The following FXR2 variants were observed in gnomAD, a reference collection of about 807,000 sequenced individuals.
FXR2 encodes FMR1 autosomal homolog 2.
Under a neutral mutation model 87.3 loss-of-function variants are expected in FXR2, and 9 were observed. That is an observed-to-expected ratio of 0.10 (90% CI 0.06 to 0.18). The LOEUF (loss-of-function observed/expected upper bound fraction) is 0.18, where lower values mean the gene tolerates loss of function less well. Ranked by LOEUF, FXR2 falls within the 10% of genes least tolerant of loss-of-function variation. The probability of loss-of-function intolerance (pLI) is 1.00; values close to 1 mark genes in which losing one functional copy is unlikely to be tolerated. For synonymous variants in FXR2, 331 were observed against 328.3 expected, an observed-to-expected ratio of 1.01 and a Z score of -0.09; for missense variants, 661 against 893.6, an observed-to-expected ratio of 0.74 and a Z score of 3.32.
chr17:7,592,904 GGAA>G lies in FXR2; in HGVS notation c.1529-13_1529-11del, dbSNP rs757569300. 1.0e-4 allele frequency: 163 copies of G among 1,558,784 alleles called. No individual in the cohort carries two copies. The highest frequency in any genetic ancestry group is 1.4e-4 in the Non-Finnish European group (156 of 1,152,176). The stretch of plus-strand genomic sequence containing the variant: ...TCTGGATCCTTCAGCACTGGTCAGA[GGAA>G]GAAGAGGAGGAGTTGGCAGTCAGGT... On this transcript the variant is annotated splice_polypyrimidine_tract_variant and intron_variant, in intron 13 of 16. Coordinates refer to ENST00000250113, the MANE Select transcript of FXR2 (RefSeq NM_004860.4). The surrounding 1 kb of genome is among the most constrained non-coding windows in gnomAD (Gnocchi z 4.8).
In FXR2 at chr17:7,595,784, A is replaced by G. The variant is rs765223029; in HGVS notation, c.831+40T>C. 1 of 1,555,410 alleles carries G rather than the reference A, an allele frequency of 6.4e-7. No individual in the cohort carries two copies. The highest frequency in any genetic ancestry group is 1.1e-5 in the South Asian group (1 of 89,262). ...TTCTACTTCGGCCTCTCTTCCCTCT[A>G]TCCCCTAAGAGACCCAGAAGAAAGA... On this transcript the variant is annotated intron_variant, in intron 8 of 16. Coordinates refer to ENST00000250113, the MANE Select transcript of FXR2 (RefSeq NM_004860.4). The surrounding 1 kb of genome is among the most constrained non-coding windows in gnomAD (Gnocchi z 4.7).
chr17:7,592,487 G>A lies in FXR2; in HGVS notation c.1825+17C>T. Reference sequence around the variant, plus strand: ...CTCAGCTCTGAGGAAGGATTCTGGTGTCCAGAGTTGGCTGACCTGGCTGGC... The same window carrying A: ...CTCAGCTCTGAGGAAGGATTCTGGTATCCAGAGTTGGCTGACCTGGCTGGC... On this transcript the variant is annotated intron_variant, in intron 15 of 16. Coordinates refer to ENST00000250113, the MANE Select transcript of FXR2 (RefSeq NM_004860.4). This position sits in a 1 kb window ranked among gnomAD's most constrained non-coding sequence, Gnocchi z 4.8. The A allele has an allele frequency of 4.4e-6, 7 of 1,607,868 alleles. No individual in the cohort carries two copies. Among genetic ancestry groups the A allele is most frequent in the Non-Finnish European group, 6.0e-6 (7 of 1,174,274 alleles).
In FXR2 at chr17:7,592,834, G is replaced by A. The variant is rs200023716; in HGVS notation, c.1589C>T (p.Pro530Leu). ...GGGTTCCCCAGGTTCTGAATCAACC[G>A]GGGGCTCTGGTTCAGACGTGTCCAA... The part of the protein sequence containing the change: ...SLLDTSEPEP[P>L]VDSEPGEPPP... The change falls in exon 14 of 17, where the codon CCG (proline) becomes CTG (leucine). Residue 530 changes from proline (P) to leucine (L), a missense_variant. This residue lies in a region of FXR2 where 409 missense variants were observed against 432.0 expected (regional missense o/e 0.95). Coordinates refer to ENST00000250113, the MANE Select transcript of FXR2 (RefSeq NM_004860.4). The surrounding 1 kb of genome is among the most constrained non-coding windows in gnomAD (Gnocchi z 4.8). 341 of 1,611,474 alleles carry A rather than the reference G, an allele frequency of 2.1e-4. 4 individuals are homozygous for A. Among genetic ancestry groups the A allele is most frequent in the Non-Finnish European group, 4.0e-5 (47 of 1,178,540 alleles).
At chr17:7,601,606 T>C in intron 6 of FXR2, 81 bp from the exon 7 acceptor site, 1 of 852,374 alleles carries the variant, frequency 1.2e-6, no homozygotes, top group Non-Finnish European at 2.0e-6. Context: ...GAAATCAGGA[T>C]GCCTAAGTCC....
In FXR2 at chr17:7,592,103, T is replaced by C; in HGVS notation, c.1926+151A>G. ...CCAGAAAATGTGAACCACACTTTCTTCTCTATCCTATTCAAAGTTTACACT... is the reference window on the plus strand; with the variant it reads ...CCAGAAAATGTGAACCACACTTTCTCCTCTATCCTATTCAAAGTTTACACT... On this transcript the variant is annotated intron_variant, in intron 16 of 16. Coordinates refer to ENST00000250113, the MANE Select transcript of FXR2 (RefSeq NM_004860.4). This position sits in a 1 kb window ranked among gnomAD's most constrained non-coding sequence, Gnocchi z 4.8. The C allele has an allele frequency of 6.8e-7, 1 of 1,472,434 alleles. No individual in the cohort carries two copies. Among genetic ancestry groups the C allele is most frequent in the African/African-American group, 1.4e-5 (1 of 70,742 alleles). The allele number at this position is 1,472,434 out of a possible 1,614,324, so 91.2% of individuals were successfully genotyped here.
chr17:7,598,997 C>T lies in FXR2; in HGVS notation c.660+2412G>A, dbSNP rs115073774. Among the ~76,000 whole-genome samples the T allele has an allele frequency of 5.6e-3, 849 of 152,222 alleles. 11 individuals are homozygous for T. The highest frequency in any genetic ancestry group is 0.019 in the African/African-American group (800 of 41,522). On this transcript the variant is annotated intron_variant, in intron 7 of 16. Transcript: ENST00000250113. ...ACTAAAAAAGCAAAAATTATCCAGACGTGGGGGCGCGTGCCTATTATCCCA... is the reference window on the plus strand; with the variant it reads ...ACTAAAAAAGCAAAAATTATCCAGATGTGGGGGCGCGTGCCTATTATCCCA...
rs2071925466 is a variant in FXR2 at position 7,614,569 on chromosome 17, T to TGCA, written c.-40_-38dup. On this transcript the variant is annotated 5_prime_UTR_variant, in exon 1 of 17. Coordinates refer to ENST00000250113, the MANE Select transcript of FXR2 (RefSeq NM_004860.4). ...CGCCTCCGACTCCCCCGGCGGCGGCTGCAGCAGCAGTCTGAGTGCGGGCCG... is the reference window on the plus strand; with the variant it reads ...CGCCTCCGACTCCCCCGGCGGCGGCTGCAGCAGCAGCAGTCTGAGTGCGGGCCG... 3 of 1,363,478 alleles carry TGCA rather than the reference T, an allele frequency of 2.2e-6. No individual in the cohort carries two copies. Among genetic ancestry groups the TGCA allele is most frequent in the Non-Finnish European group, 2.9e-6 (3 of 1,036,258 alleles). The allele number at this position is 1,363,478 out of a possible 1,614,324, so 84.5% of individuals were successfully genotyped here. A position where few individuals can be genotyped will look rare whatever the true frequency, so the allele number is the denominator to read the frequency against.
At chr17:7,601,999 T>G (rs957651185) in intron 6 of FXR2, among the ~76,000 whole-genome samples, 37 of 152,008 alleles carry the variant, frequency 2.4e-4, no homozygotes, top group African/African-American at 8.2e-4. Context: ...ATCAGGGTAC[T>G]GAAGGAAAAT....
At chr17:7,604,895 G>C (rs1186403861) in intron 3 of FXR2, among the ~76,000 whole-genome samples, 3 of 150,870 alleles carry the variant, frequency 2.0e-5, no homozygotes, top group Non-Finnish European at 4.4e-5. Context: ...CTAATTTTTT[G>C]TATTTTTAGT....
Position 7,603,305 on chromosome 17 carries a change from A to T in FXR2, c.450-303T>A, listed in dbSNP as rs183157395. Among the ~76,000 whole-genome samples the T allele has an allele frequency of 8.7e-3, 1,331 of 152,228 alleles. 17 individuals are homozygous for T. Among genetic ancestry groups the T allele is most frequent in the African/African-American group, 0.03 (1,245 of 41,536 alleles). The stretch of plus-strand genomic sequence containing the variant: ...CACTTTGGGAGGCTGAGGCAGGCGG[A>T]TCACTTGAGGTCAGGAGTTTGAGAC... On this transcript the variant is annotated intron_variant, in intron 5 of 16. Transcript: ENST00000250113.
chr17:7,610,552 C>T (rs2071855177), intron 1 of FXR2, among the ~76,000 whole-genome samples: 1 of 152,130 alleles, frequency 6.6e-6, no homozygotes, highest in Non-Finnish European at 1.5e-5. Flanking sequence ...TCACTCAACC[C>T]TTATATTTCC....
rs1175848736 is a variant in FXR2, at chr17:7,591,950, CAG to C, written c.1927-27_1927-26del. The C allele has an allele frequency of 1.4e-6, 2 of 1,434,802 alleles. No homozygotes were observed. The highest frequency in any genetic ancestry group is 9.8e-7 in the Non-Finnish European group (1 of 1,022,642). 88.9% of individuals were successfully genotyped at this position (1,434,802 alleles called of 1,614,324 possible). ...CCTGAGGGGAAAGTGGGAAAGAAAA[CAG>C]AAAAGCAAGAAGCGGTGAGTAGAAA... On this transcript the variant is annotated intron_variant, in intron 16 of 16. Coordinates refer to ENST00000250113, the MANE Select transcript of FXR2 (RefSeq NM_004860.4). The surrounding 1 kb of genome is among the most constrained non-coding windows in gnomAD (Gnocchi z 4.0).
At position 7,592,187 on chromosome 17, in the gene FXR2, T is replaced by G; in HGVS notation, c.1926+67A>C. The G allele has an allele frequency of 2.6e-6, 4 of 1,549,504 alleles. No homozygotes were observed. The highest frequency in any genetic ancestry group is 1.7e-4 in the Middle Eastern group (1 of 5,820). ...AATTCAGTAGGAGATTTGTGAAATTTTTTGTGCCCCCTGCCCCAGAGTAAC... is the reference window on the plus strand; with the variant it reads ...AATTCAGTAGGAGATTTGTGAAATTGTTTGTGCCCCCTGCCCCAGAGTAAC... On this transcript the variant is annotated intron_variant, in intron 16 of 16. Transcript: ENST00000250113. This position sits in a 1 kb window ranked among gnomAD's most constrained non-coding sequence, Gnocchi z 4.8.
Position 7,595,405 on chromosome 17 carries a change from A to C in FXR2, c.831+419T>G, listed in dbSNP as rs1471719823. Among the ~76,000 whole-genome samples the C allele has an allele frequency of 6.6e-6, 1 of 151,950 alleles. No individual in the cohort carries two copies. The highest frequency in any genetic ancestry group is 1.9e-4 in the East Asian group (1 of 5,190). On this transcript the variant is annotated intron_variant, in intron 8 of 16. Transcript: ENST00000250113. This position sits in a 1 kb window ranked among gnomAD's most constrained non-coding sequence, Gnocchi z 4.7. ...GTGATCCTCCTGCCTCCGCCTCCCAAGTAGCCAAGTAGCTGGGGCCACAGA... is the reference window on the plus strand; with the variant it reads ...GTGATCCTCCTGCCTCCGCCTCCCACGTAGCCAAGTAGCTGGGGCCACAGA...
rs554557682 is a variant in FXR2 at position 7,609,312 on chromosome 17, G to A, written c.82-3163C>T. Among the ~76,000 whole-genome samples the A allele has an allele frequency of 7.2e-5, 11 of 152,226 alleles. No individual in the cohort carries two copies. The South Asian group carries it at 1.2e-3, about 17-fold the overall frequency. The stretch of plus-strand genomic sequence containing the variant: ...ACTTACCAGATTGCTATTTCCTTAC[G>A]ATGGGAAAATCTAAGCCTGCATTTC... On this transcript the variant is annotated intron_variant, in intron 1 of 16. Coordinates refer to ENST00000250113, the MANE Select transcript of FXR2 (RefSeq NM_004860.4).
Position 7,592,776 on chromosome 17 carries a change from G to A in FXR2, c.1647C>T (p.Arg549=), listed in dbSNP as rs1357583308. ...TCCTGTCTTCATCAGTGCGGCGGCG[G>A]CGGGAGCGGCGGCGCCTGGCACTTG... The part of the protein sequence containing the change: ...PPASARRRRS[R]RRRTDEDRTV... Residue 549 remains arginine (R), a synonymous_variant, in exon 14 of 17, where the codon CGC becomes CGT. Transcript: ENST00000250113. This position sits in a 1 kb window ranked among gnomAD's most constrained non-coding sequence, Gnocchi z 4.8. 1.2e-6 allele frequency: 2 copies of A among 1,613,532 alleles called. No homozygotes were observed. Among genetic ancestry groups the A allele is most frequent in the East Asian group, 2.2e-5 (1 of 44,850 alleles).
rs374987147 is a variant in FXR2 at position 7,593,235 on chromosome 17, T to C, written c.1331-54A>G. The stretch of plus-strand genomic sequence containing the variant: ...GCCATTCATCCCACCTCAGGATCCA[T>C]CACATCCCCCAAACTGGAAGAATTC... On this transcript the variant is annotated intron_variant, in intron 12 of 16. Transcript: ENST00000250113. This position sits in a 1 kb window ranked among gnomAD's most constrained non-coding sequence, Gnocchi z 6.1. 38 of 1,375,912 alleles carry C rather than the reference T, an allele frequency of 2.8e-5. No homozygotes were observed. The South Asian group carries it at 4.8e-4, about 17-fold the overall frequency. 85.2% of individuals were successfully genotyped at this position (1,375,912 alleles called of 1,614,324 possible). A position where few individuals can be genotyped will look rare whatever the true frequency, so the allele number is the denominator to read the frequency against.
At position 7,593,687 on chromosome 17, in the gene FXR2, T is replaced by C; in HGVS notation, c.1108-62A>G. ...ATAAGATCAGTGCCTTGCTTCATGC[T>C]TCTGCACCCTGACTGTCCCTCTATA... On this transcript the variant is annotated intron_variant, in intron 11 of 16. Coordinates refer to ENST00000250113, the MANE Select transcript of FXR2 (RefSeq NM_004860.4). This position sits in a 1 kb window ranked among gnomAD's most constrained non-coding sequence, Gnocchi z 6.1. The C allele has an allele frequency of 8.8e-7, 1 of 1,139,876 alleles. No individual in the cohort carries two copies. Among genetic ancestry groups the C allele is most frequent in the Non-Finnish European group, 1.3e-6 (1 of 780,180 alleles). 70.6% of individuals were successfully genotyped at this position (1,139,876 alleles called of 1,614,324 possible). A position where few individuals can be genotyped will look rare whatever the true frequency, so the allele number is the denominator to read the frequency against.
At chr17:7,601,662 C>T (rs1372203566) in intron 6 of FXR2, 137 bp from the exon 7 acceptor site, 1 of 593,592 alleles carries the variant, frequency 1.7e-6, no homozygotes, top group Non-Finnish European at 3.0e-6. Context: ...GGCGCGGTGG[C>T]TCATGCCTGC....
Sources: allele counts gnomAD v4.1 joint callset (sites outside exome capture counted in the v4.1 genomes callset), GRCh38; gene constraint gnomAD v4.1.1; regional missense constraint gnomAD v4.1.1; non-coding constraint Gnocchi (gnomAD v3.1); transcripts MANE v1.5; gene names NCBI Gene and HGNC (gene_info 2026-07-23, HGNC 2026-07-21).